Variants in TENM2 observed in about 807,000 individuals in gnomAD.
TENM2 encodes the protein teneurin-2.
In TENM2, 52 loss-of-function variants were observed where a neutral mutation model predicts 245.2. That is an observed-to-expected ratio of 0.21 (90% CI 0.17 to 0.27). The LOEUF (loss-of-function observed/expected upper bound fraction) is 0.27. TENM2 is among the 10% of genes least tolerant of loss of function. The pLI, the probability that TENM2 is intolerant of heterozygous loss-of-function variation, is 1.00. For missense variants in TENM2, 3,046 were observed against 3,666.8 expected, an observed-to-expected ratio of 0.83 and a Z score of 4.37; for synonymous variants, 1,363 against 1,438.9, an observed-to-expected ratio of 0.95 and a Z score of 1.19.
At chr5:167,888,524 A>G (rs1361315500) in intron 3 of TENM2, among the ~76,000 whole-genome samples, 2 of 152,240 alleles carry the variant, frequency 1.3e-5, no homozygotes, top group Non-Finnish European at 2.9e-5. Flanking sequence ...GGCTCCCTCT[A>G]TCTGCAGTAG....
the TENM2 span, among the ~76,000 whole-genome samples, chr5:167,059,708 CTT>C: frequency 1.5e-4 from 21 of 142,688 alleles, no homozygotes; most frequent in Admixed American, 1.4e-4. Context: ...AAGTAAATGT[CTT>C]TTTTTTTTTT....
At chr5:168,148,117 A>T (rs1292563057) in intron 12 of TENM2, among the ~76,000 whole-genome samples, 1 of 152,218 alleles carries the variant, frequency 6.6e-6, no homozygotes, top group Non-Finnish European at 1.5e-5. Flanking sequence ...GTACGTGTGG[A>T]AACTGCAGGT....
chr5:167,201,644 C>A, the TENM2 span, among the ~76,000 whole-genome samples: 1 of 152,284 alleles, frequency 6.6e-6, no homozygotes, highest in Non-Finnish European at 1.5e-5. Context: ...AGCCAGTTGA[C>A]AACTGTACTG....
chr5:168,085,362 C>T (rs1792357716), intron 7 of TENM2: 1 of 152,186 alleles, frequency 6.6e-6, no homozygotes. Context: ...CTTCCATCTG[C>T]TTGATTCTTG....
At chr5:168,091,801 C>G (rs1581270744) in intron 8 of TENM2, among the ~76,000 whole-genome samples, 1 of 152,322 alleles carries the variant, frequency 6.6e-6, no homozygotes, top group South Asian at 2.1e-4. Flanking sequence ...GAAGCCCCCA[C>G]AGGGTGGCTT....
At chr5:168,199,195 C>T in intron 16 of TENM2, 81 bp downstream of exon 18, 1 of 1,412,088 alleles carries the variant, frequency 7.1e-7, no homozygotes, top group Non-Finnish European at 9.6e-7. Flanking sequence ...CCCGAGTGGA[C>T]CAGAAACTAA....
intron 2 of TENM2, among the ~76,000 whole-genome samples, chr5:167,609,526 A>G (rs1338687013): frequency 2.2e-5 from 3 of 136,760 alleles, no homozygotes; most frequent in African/African-American, 7.9e-5. Flanking sequence ...AACCTTACCT[A>G]GAAGGTTTTT....
At chr5:167,653,474 G>A (rs1021272390) in intron 2 of TENM2, 1 of 152,030 alleles carries the variant, frequency 6.6e-6, no homozygotes, top group Non-Finnish European at 1.5e-5. Flanking sequence ...ACCTTAGTTG[G>A]ATAGCTTACT....
At chr5:167,138,998 T>C in the TENM2 span, among the ~76,000 whole-genome samples, 6,787 of 152,292 alleles carry the variant, frequency 0.045, 503 homozygotes, top group African/African-American at 0.15. Context: ...TTTGAATATT[T>C]GACATTGTTA....
At chr5:167,093,491 A>G in the TENM2 span, among the ~76,000 whole-genome samples, 40 of 152,202 alleles carry the variant, frequency 2.6e-4, no homozygotes, top group South Asian at 8.3e-4. Context: ...ACAAGAAGAG[A>G]AGGAAATTTG....
chr5:167,778,908 A>C (rs1763992759), intron 2 of TENM2, among the ~76,000 whole-genome samples: 1 of 152,180 alleles, frequency 6.6e-6, no homozygotes, highest in African/African-American at 2.4e-5. Context: ...GTAAGATCTT[A>C]CCTTGCCAGT....
intron 2 of TENM2, among the ~76,000 whole-genome samples, chr5:167,546,693 G>A (rs1024379600): frequency 1.1e-4 from 16 of 152,258 alleles, no homozygotes; most frequent in African/African-American, 3.1e-4. Flanking sequence ...GGTTGGCAGC[G>A]ACTCCAGTTA....
At chr5:167,016,558 T>G in the TENM2 span, among the ~76,000 whole-genome samples, 1 of 152,198 alleles carries the variant, frequency 6.6e-6, no homozygotes, top group Non-Finnish European at 1.5e-5. Flanking sequence ...AGTTCTTATC[T>G]GACTGAATAA....
chr5:167,173,578 A>AT, the TENM2 span, among the ~76,000 whole-genome samples: 1 of 152,070 alleles, frequency 6.6e-6, no homozygotes, highest in African/African-American at 2.4e-5. Flanking sequence ...TGGAACCTTG[A>AT]TTTTTTTGGT....
intron 2 of TENM2, among the ~76,000 whole-genome samples, chr5:167,610,003 G>A (rs576261270): frequency 1.3e-5 from 2 of 152,110 alleles, no homozygotes; most frequent in African/African-American, 2.4e-5. Flanking sequence ...AGGTTGTGAC[G>A]TACACTTTTG....
At position 167,611,820 on chromosome 5, in the gene TENM2, C is replaced by T. The variant is rs192713570; in HGVS notation, c.502+236347C>T. On this transcript the variant is annotated intron_variant, in intron 2 of 28. Transcript: ENST00000518659. ...CAGTTCTCTGGGGCCTCTTCTATAA[C>T]GGCACTAATTCCATTCATGAGGGCT... Among the ~76,000 whole-genome samples the T allele has an allele frequency of 1.4e-3, 218 of 152,078 alleles. 1 individual carries two copies. Among genetic ancestry groups the T allele is most frequent in the African/African-American group, 3.2e-3 (132 of 41,498 alleles).
the TENM2 span, among the ~76,000 whole-genome samples, chr5:167,223,059 T>C: frequency 6.6e-6 from 1 of 152,116 alleles, no homozygotes; most frequent in African/African-American, 2.4e-5. Flanking sequence ...TTTTTTGACA[T>C]ATTTTTACAT....
chr5:167,536,327 T>A, intron 2 of TENM2, among the ~76,000 whole-genome samples: 1 of 152,136 alleles, frequency 6.6e-6, no homozygotes, highest in Non-Finnish European at 1.5e-5. Flanking sequence ...TATTTAGAAG[T>A]CAAGTAAAAT....
rs551007431 is a variant in TENM2 at position 167,993,045 on chromosome 5, G to T, written c.1049G>T (p.Arg350Leu). The change falls in exon 5 of 29, where the codon CGC becomes CTC. Residue 350 changes from arginine (R) to leucine (L), a missense_variant. By Grantham distance (102) the Arg-to-Leu change is moderately radical (BLOSUM62 -2). This residue lies in a region of TENM2 where 2,704 missense variants were observed against 3,331.9 expected (regional missense o/e 0.81). Coordinates refer to ENST00000518659, the Ensembl canonical transcript of TENM2. Reference sequence around the variant, plus strand: ...GGAACGGTTTACACGCCCCCGCCCCGCCTGCTGCCCAGGAATACTTTCTCC... The same window carrying T: ...GGAACGGTTTACACGCCCCCGCCCCTCCTGCTGCCCAGGAATACTTTCTCC... 1.9e-6 allele frequency: 3 copies of T among 1,613,932 alleles called. No homozygotes were observed. Among genetic ancestry groups the T allele is most frequent in the Non-Finnish European group, 2.5e-6 (3 of 1,179,862 alleles).
Sources: allele counts gnomAD v4.1 joint callset (sites outside exome capture counted in the v4.1 genomes callset), GRCh38; gene constraint gnomAD v4.1.1; regional missense constraint gnomAD v4.1.1; transcripts MANE v1.5; gene names NCBI Gene and HGNC (gene_info 2026-07-23, HGNC 2026-07-21).